Variants in RNF115 observed in about 807,000 individuals in gnomAD.
RNF115 encodes E3 ubiquitin-protein ligase RNF115.
A neutral mutation model predicts 39.2 loss-of-function variants in RNF115; 31 were observed. The observed-to-expected ratio is 0.79, with a 90% CI of 0.59 to 1.07. The LOEUF is 1.07. Among genes scored for constraint, RNF115 ranks in the 50% least tolerant of loss-of-function variants. The pLI, the probability that RNF115 is intolerant of heterozygous loss-of-function variation, is 0.00. For missense variants in RNF115, 384 were observed against 381.7 expected, an observed-to-expected ratio of 1.01 and a Z score of -0.05; for synonymous variants, 124 against 131.0, an observed-to-expected ratio of 0.95 and a Z score of 0.37.
intron 7 of RNF115, among the ~76,000 whole-genome samples, chr1:145,749,740 G>A (rs1303274336): frequency 6.6e-6 from 1 of 152,042 alleles, no homozygotes; most frequent in Non-Finnish European, 1.5e-5. Context: ...ACTGCCCCTA[G>A]ACTAATCTTC....
At chr1:145,747,172 A>C (rs1360524463) in intron 8 of RNF115, among the ~76,000 whole-genome samples, 175 bp from the exon 9 acceptor site, 3 of 152,202 alleles carry the variant, frequency 2.0e-5, no homozygotes, top group African/African-American at 7.2e-5. Flanking sequence ...ATACCAGGAT[A>C]TCTCCCAAAC....
At chr1:145,814,578 G>A (rs1400809953) in intron 1 of RNF115, among the ~76,000 whole-genome samples, 3 of 149,654 alleles carry the variant, frequency 2.0e-5, no homozygotes, top group African/African-American at 2.4e-5. Flanking sequence ...GGGAAACTCC[G>A]TTTAAAAAAA....
intron 4 of RNF115, among the ~76,000 whole-genome samples, chr1:145,769,116 T>C (rs1344223357): frequency 6.6e-6 from 1 of 152,200 alleles, no homozygotes; most frequent in Non-Finnish European, 1.5e-5. Flanking sequence ...TATACTAAAA[T>C]TTTTTAGTAT....
rs587616435 is a variant in RNF115 at position 145,813,609 on chromosome 1, T to C, written c.102+10163A>G. On this transcript the variant is annotated intron_variant, in intron 1 of 8. Coordinates refer to ENST00000582693, the MANE Select transcript of RNF115 (RefSeq NM_014455.4). ...CTCCAAAGACAGAAAGTAACTCCAATAGATACTGCTATAATGGAATTGCAG... is the reference window on the plus strand; with the variant it reads ...CTCCAAAGACAGAAAGTAACTCCAACAGATACTGCTATAATGGAATTGCAG... Among the ~76,000 whole-genome samples the C allele has an allele frequency of 1.3e-4, 20 of 152,324 alleles. No homozygotes were observed. The East Asian group carries it at 2.1e-3, about 16-fold the overall frequency.
At chr1:145,774,047 T>C (rs1443135764) in intron 3 of RNF115, among the ~76,000 whole-genome samples, 1 of 152,194 alleles carries the variant, frequency 6.6e-6, no homozygotes, top group African/African-American at 2.4e-5. Context: ...TCTGGCGAAG[T>C]ATTTGCTTGG....
intron 1 of RNF115, among the ~76,000 whole-genome samples, chr1:145,794,910 G>A (rs1318972905): frequency 6.6e-6 from 1 of 150,966 alleles, no homozygotes; most frequent in Middle Eastern, 3.2e-3. Context: ...CCAGCTACTG[G>A]GAAGGCTGAA....
chr1:145,782,534 G>T (rs1268645855), intron 3 of RNF115, among the ~76,000 whole-genome samples: 1 of 152,136 alleles, frequency 6.6e-6, no homozygotes, highest in Admixed American at 6.5e-5. Flanking sequence ...TACAAGCTAT[G>T]AATCAGCAAA....
At position 145,788,983 on chromosome 1, in the gene RNF115, G is replaced by T. The variant is rs1359031745; in HGVS notation, c.103-17C>A. On this transcript the variant is annotated splice_polypyrimidine_tract_variant and intron_variant, in intron 1 of 8. Transcript: ENST00000582693. ...TATATATTCCTATAAAAGAAAGGAAGAAACAAATAAAACTTTTTCATTAGA... is the reference window on the plus strand; with the variant it reads ...TATATATTCCTATAAAAGAAAGGAATAAACAAATAAAACTTTTTCATTAGA... The T allele has an allele frequency of 6.5e-7, 1 of 1,539,726 alleles. No individual in the cohort carries two copies. Among genetic ancestry groups the T allele is most frequent in the East Asian group, 2.2e-5 (1 of 44,494 alleles).
intron 2 of RNF115, among the ~76,000 whole-genome samples, chr1:145,784,855 G>A (rs587756465): frequency 6.6e-6 from 1 of 152,116 alleles, no homozygotes; most frequent in Non-Finnish European, 1.5e-5. Flanking sequence ...AAGGAAGGAG[G>A]ACCCACAGGC....
At chr1:145,748,155 A>G (rs367714181) in intron 7 of RNF115, 45 bp from the exon 8 acceptor site, 2 of 1,412,602 alleles carry the variant, frequency 1.4e-6, no homozygotes, top group African/African-American at 2.8e-5. Context: ...GGCAAAAGGA[A>G]AGAAGAAAAA....
intron 4 of RNF115, among the ~76,000 whole-genome samples, chr1:145,764,398 T>C (rs1357493490): frequency 2.8e-5 from 4 of 145,298 alleles, no homozygotes; most frequent in Admixed American, 2.7e-4. Context: ...GTGAGGAGCG[T>C]CTCTGCCGGC....
chr1:145,801,117 G>A (rs1057089197), intron 1 of RNF115, among the ~76,000 whole-genome samples: 33 of 152,126 alleles, frequency 2.2e-4, no homozygotes, highest in African/African-American at 8.0e-4. Context: ...CTTGCAGTGA[G>A]CCAAGATTAC....
intron 4 of RNF115, among the ~76,000 whole-genome samples, chr1:145,753,757 C>T (rs1553712828): frequency 6.6e-6 from 1 of 152,180 alleles, no homozygotes; most frequent in Non-Finnish European, 1.5e-5. Context: ...CGCTCTGCCG[C>T]CCAGGCTGGA....
Position 145,759,077 on chromosome 1 carries a change from C to T in RNF115, c.429-6028G>A, listed in dbSNP as rs782275178. ...TTCACATAGTTTCCAGAGCTGTAGC[C>T]TCTCTAGGTTTTCCTTGTACTTCCC... On this transcript the variant is annotated intron_variant, in intron 4 of 8. Transcript: ENST00000582693. Among the ~76,000 whole-genome samples the T allele has an allele frequency of 4.3e-4, 66 of 152,098 alleles. 1 individual carries two copies. Among genetic ancestry groups the T allele is most frequent in the Admixed American group, 3.9e-4 (6 of 15,264 alleles).
chr1:145,747,199 C>T (rs1657908463), intron 8 of RNF115, among the ~76,000 whole-genome samples: 2 of 152,084 alleles, frequency 1.3e-5, no homozygotes, highest in Admixed American at 1.3e-4. Flanking sequence ...TTAAGCAGAA[C>T]TGACAGGAAT....
chr1:145,798,445 G>A (rs1420125564), intron 1 of RNF115, among the ~76,000 whole-genome samples: 1 of 152,112 alleles, frequency 6.6e-6, no homozygotes, highest in African/African-American at 2.4e-5. Context: ...CCACAGAGGG[G>A]TCCTAGCACC....
chr1:145,806,838 T>G (rs1486260857), intron 1 of RNF115, among the ~76,000 whole-genome samples: 2 of 152,180 alleles, frequency 1.3e-5, no homozygotes, highest in Non-Finnish European at 1.5e-5. Context: ...CAGAGTCTTT[T>G]TCTGTCGCCC....
At chr1:145,791,183 GA>G (rs2101573465) in intron 1 of RNF115, among the ~76,000 whole-genome samples, 1 of 151,220 alleles carries the variant, frequency 6.6e-6, no homozygotes, top group South Asian at 2.1e-4. Context: ...ACTATGTAAA[GA>G]AAGAGACTAC....
chr1:145,800,495 T>C (rs1231168551), intron 1 of RNF115, among the ~76,000 whole-genome samples: 1 of 152,150 alleles, frequency 6.6e-6, no homozygotes, highest in Non-Finnish European at 1.5e-5. Context: ...ACTTCTTTAA[T>C]AGATACAATA....
Sources: gnomAD v4.1 joint callset for allele counts (sites outside exome capture counted in the v4.1 genomes callset) on GRCh38, gnomAD v4.1.1 for gene constraint, MANE v1.5 for transcripts, NCBI Gene and HGNC (gene_info 2026-07-23, HGNC 2026-07-21) for gene names.